Variants in CNST observed in about 807,000 individuals in gnomAD.
The protein encoded by CNST is consortin.
In CNST, 39 loss-of-function variants were observed where a neutral mutation model predicts 72.4. The ratio of observed to expected loss-of-function variants is 0.54; its 90% confidence interval spans 0.42 to 0.70. The LOEUF is 0.70. Ranked by LOEUF, CNST falls within the 30% of genes least tolerant of loss-of-function variation. CNST has a pLI of 0.00. For missense variants in CNST, 871 were observed against 868.5 expected, an observed-to-expected ratio of 1.00 and a Z score of -0.04; for synonymous variants, 332 against 320.1, an observed-to-expected ratio of 1.04 and a Z score of -0.40.
intron 2 of CNST, among the ~76,000 whole-genome samples, chr1:246,594,099 C>T (rs1222621492): frequency 6.6e-6 from 1 of 152,164 alleles, no homozygotes; most frequent in Non-Finnish European, 1.5e-5. Flanking sequence ...ACCTATGAGT[C>T]AGTCATAGCT....
intron 2 of CNST, among the ~76,000 whole-genome samples, chr1:246,603,299 C>G (rs1572156484): frequency 6.6e-6 from 1 of 152,166 alleles, no homozygotes. Context: ...CTTGGCTTCT[C>G]AGTTCTTTAC....
chr1:246,646,388 C>G (rs1666074809), intron 8 of CNST, among the ~76,000 whole-genome samples: 3 of 151,906 alleles, frequency 2.0e-5, no homozygotes, highest in African/African-American at 7.3e-5. Flanking sequence ...TCTTAGTAAA[C>G]CAGACCAGTA....
intron 6 of CNST, among the ~76,000 whole-genome samples, chr1:246,640,782 G>A (rs1216285702): frequency 6.6e-6 from 1 of 152,036 alleles, no homozygotes; most frequent in African/African-American, 2.4e-5. Flanking sequence ...GTGTCTTTAT[G>A]CTTCAAAATT....
At chr1:246,657,905 T>G (rs1358948993) in intron 9 of CNST, among the ~76,000 whole-genome samples, 3 of 152,170 alleles carry the variant, frequency 2.0e-5, no homozygotes, top group Admixed American at 2.0e-4. Context: ...AGAATTCATA[T>G]CAGAAAGATC....
At chr1:246,573,779 T>C (rs976231885) in intron 1 of CNST, among the ~76,000 whole-genome samples, 1 of 152,260 alleles carries the variant, frequency 6.6e-6, no homozygotes, top group Non-Finnish European at 1.5e-5. Context: ...CATGTACTTG[T>C]GTAACGCTTT....
chr1:246,619,151 A>AG (rs1230284633), intron 2 of CNST, among the ~76,000 whole-genome samples: 103 of 120,832 alleles, frequency 8.5e-4, no homozygotes, highest in Middle Eastern at 7.8e-3. Flanking sequence ...GCTAGAGAAA[A>AG]GGGAAAAAAA....
intron 2 of CNST, chr1:246,607,931 A>C (rs895301492): frequency 6.6e-6 from 1 of 152,088 alleles, no homozygotes; most frequent in Non-Finnish European, 1.5e-5. Context: ...AAATACAAAA[A>C]TTAGCCGGGC....
chr1:246,654,270 CT>C (rs1666652089), intron 9 of CNST, among the ~76,000 whole-genome samples: 1 of 152,232 alleles, frequency 6.6e-6, no homozygotes, highest in Admixed American at 6.5e-5. Context: ...TCTTTTCCCT[CT>C]GTGTATGTCA....
At chr1:246,605,203 A>G (rs532560629) in intron 2 of CNST, among the ~76,000 whole-genome samples, 1 of 152,352 alleles carries the variant, frequency 6.6e-6, no homozygotes, top group African/African-American at 2.4e-5. Flanking sequence ...TGTACTTCCA[A>G]TGGATAAACA....
chr1:246,606,791 C>T (rs192566300), intron 2 of CNST: 2 of 152,218 alleles, frequency 1.3e-5, no homozygotes, highest in East Asian at 3.9e-4. Context: ...GAGGGTGTTG[C>T]CCGCCTGCTT....
At chr1:246,648,097 A>T in intron 9 of CNST, 60 bp downstream of exon 9, 1 of 1,514,318 alleles carries the variant, frequency 6.6e-7, no homozygotes, top group East Asian at 2.3e-5. Flanking sequence ...ATATATATGT[A>T]TTAAATATTG....
intron 3 of CNST, among the ~76,000 whole-genome samples, chr1:246,621,838 T>C (rs866058188): frequency 2.0e-5 from 3 of 151,962 alleles, no homozygotes; most frequent in African/African-American, 7.3e-5. Context: ...CTACAAAATA[T>C]ACAAAAATTA....
intron 2 of CNST, among the ~76,000 whole-genome samples, chr1:246,619,052 G>A (rs1464875095): frequency 6.6e-6 from 1 of 151,970 alleles, no homozygotes; most frequent in African/African-American, 2.4e-5. Flanking sequence ...ATAACTATAG[G>A]GGAATAATGT....
At position 246,598,640 on chromosome 1, in the gene CNST, G is replaced by T. The variant is rs115118520; in HGVS notation, c.379+6699G>T. 4.6e-3 allele frequency among the ~76,000 whole-genome samples: 702 copies of T among 152,184 alleles called. 7 individuals are homozygous for T. The highest frequency in any genetic ancestry group is 9.1e-3 in the South Asian group (44 of 4,822). On this transcript the variant is annotated intron_variant, in intron 2 of 10. Coordinates refer to ENST00000366513, the MANE Select transcript of CNST (RefSeq NM_152609.3). ...GGCTATAGTAGAACATTGATAGCTG[G>T]CCTCTAAATCAGCTTTATGGAGACA... is the stretch of plus-strand genomic sequence containing the variant.
intron 2 of CNST, among the ~76,000 whole-genome samples, chr1:246,616,711 C>T (rs752057218): frequency 3.9e-5 from 6 of 152,066 alleles, no homozygotes; most frequent in African/African-American, 1.4e-4. Flanking sequence ...TACGCCACCA[C>T]GCCCGGCTAA....
At chr1:246,633,461 AGCTG>A (rs1664911138) in intron 4 of CNST, among the ~76,000 whole-genome samples, 1 of 145,002 alleles carries the variant, frequency 6.9e-6, no homozygotes, top group Admixed American at 6.9e-5. Context: ...AAAAAAAAAA[AGCTG>A]GACGCAGTGA....
intron 2 of CNST, among the ~76,000 whole-genome samples, chr1:246,616,190 C>T (rs1169540721): frequency 3.9e-5 from 6 of 152,020 alleles, no homozygotes; most frequent in Admixed American, 6.6e-5. Context: ...TTACATGGGG[C>T]GGTATGTTTT....
At chr1:246,574,987 T>TATTTATTTATTC (rs1389807511) in intron 1 of CNST, among the ~76,000 whole-genome samples, 1 of 149,848 alleles carries the variant, frequency 6.7e-6, no homozygotes, top group Non-Finnish European at 1.5e-5. Context: ...TTTATTTATT[T>TATTTATTTATTC]ATTTATTTAT....
intron 3 of CNST, among the ~76,000 whole-genome samples, chr1:246,631,327 T>G (rs1292828448): frequency 6.6e-6 from 1 of 152,242 alleles, no homozygotes; most frequent in Non-Finnish European, 1.5e-5. Context: ...CTGTTAGTGC[T>G]CAGCCTGGCC....
Sources: gnomAD v4.1 joint callset for allele counts (sites outside exome capture counted in the v4.1 genomes callset) on GRCh38, gnomAD v4.1.1 for gene constraint, MANE v1.5 for transcripts, NCBI Gene and HGNC (gene_info 2026-07-23, HGNC 2026-07-21) for gene names.